The following VPS41 variants were observed in gnomAD, a reference collection of about 807,000 sequenced individuals.
VPS41 encodes vacuolar protein sorting-associated protein 41 homolog.
In VPS41, 85 loss-of-function variants were observed where a neutral mutation model predicts 130.9. That is an observed-to-expected ratio of 0.65 (90% confidence interval 0.55 to 0.78). The LOEUF is 0.78. VPS41 is among the 30% of genes least tolerant of loss of function. The pLI is 0.00. For missense variants in VPS41, 874 were observed against 1,018.7 expected (o/e 0.86, Z 1.93); for synonymous variants, 335 against 332.9 (o/e 1.01, Z -0.07).
chr7:38,902,389 A>C (rs1787164543), intron 1 of VPS41, among the ~76,000 whole-genome samples: 1 of 152,118 alleles, frequency 6.6e-6, no homozygotes, highest in Non-Finnish European at 1.5e-5. Context: ...GATATTGCTT[A>C]TATCTCTGTG....
chr7:38,747,012 C>T (rs1050455282), intron 22 of VPS41, among the ~76,000 whole-genome samples: 56 of 152,314 alleles, frequency 3.7e-4, no homozygotes, highest in African/African-American at 1.3e-3. Context: ...GAAACTGTTG[C>T]TCTGTTAAGC....
intron 25 of VPS41, among the ~76,000 whole-genome samples, chr7:38,732,298 G>A (rs1404693574): frequency 6.6e-6 from 1 of 152,168 alleles, no homozygotes; most frequent in African/African-American, 2.4e-5. Context: ...CATCTCTTGA[G>A]TAAATACCTA....
At chr7:38,844,519 A>G (rs1785682166) in intron 4 of VPS41, among the ~76,000 whole-genome samples, 2 of 152,228 alleles carry the variant, frequency 1.3e-5, no homozygotes, top group Admixed American at 1.3e-4. Flanking sequence ...AACATCTTGG[A>G]AATAATCTAA....
At chr7:38,789,172 C>CAGGTCCTCA (rs1353996364) in intron 10 of VPS41, among the ~76,000 whole-genome samples, 12 of 152,218 alleles carry the variant, frequency 7.9e-5, no homozygotes, top group African/African-American at 2.9e-4. Flanking sequence ...AGTATTGTGC[C>CAGGTCCTCA]AGGTCCTCAA....
intron 7 of VPS41, among the ~76,000 whole-genome samples, chr7:38,800,288 A>G (rs1306275355): frequency 1.3e-5 from 2 of 152,228 alleles, no homozygotes; most frequent in African/African-American, 2.4e-5. Context: ...AGTATTCAAT[A>G]CAATGTCCTT....
At chr7:38,744,764 G>C (rs1008978715) in intron 23 of VPS41, among the ~76,000 whole-genome samples, 1 of 152,122 alleles carries the variant, frequency 6.6e-6, no homozygotes, top group African/African-American at 2.4e-5. Context: ...GGACAGTTCT[G>C]GGTTTGTGGC....
chr7:38,746,933 G>A (rs980429865), intron 22 of VPS41, among the ~76,000 whole-genome samples: 4 of 152,100 alleles, frequency 2.6e-5, no homozygotes, highest in South Asian at 2.1e-4. Context: ...AAGGAGCCCC[G>A]GTCTCTGACC....
intron 10 of VPS41, among the ~76,000 whole-genome samples, chr7:38,779,657 T>C (rs1333348773): frequency 6.6e-6 from 1 of 152,222 alleles, no homozygotes; most frequent in East Asian, 1.9e-4. Flanking sequence ...CGAAACATAA[T>C]TGCTTTTAGA....
intron 2 of VPS41, among the ~76,000 whole-genome samples, chr7:38,896,760 T>G (rs1441489945): frequency 2.0e-5 from 3 of 152,194 alleles, no homozygotes; most frequent in Non-Finnish European, 2.9e-5. Context: ...TGTAATAGAT[T>G]ATCATGGCTA....
chr7:38,836,530 T>C (rs1199822710), intron 4 of VPS41, among the ~76,000 whole-genome samples: 1 of 152,160 alleles, frequency 6.6e-6, no homozygotes, highest in African/African-American at 2.4e-5. Context: ...ATTTTTAAAC[T>C]GATTTATAAG....
chr7:38,831,148 C>A (rs1400167097), intron 4 of VPS41: 15 of 466,792 alleles, frequency 3.2e-5, no homozygotes, highest in Admixed American at 7.1e-5. Flanking sequence ...TTATTCAGAT[C>A]TTGAGTTCAT....
intron 2 of VPS41, among the ~76,000 whole-genome samples, chr7:38,887,408 C>A (rs1236861431): frequency 6.6e-6 from 1 of 152,046 alleles, no homozygotes; most frequent in Admixed American, 6.6e-5. Context: ...CCAATTCGAT[C>A]GGCTGGAAGA....
chr7:38,890,686 CTTTT>C (rs771296526), intron 2 of VPS41, among the ~76,000 whole-genome samples: 1 of 147,286 alleles, frequency 6.8e-6, no homozygotes. Context: ...GCATTTTTCC[CTTTT>C]TTTTTTTCTT....
chr7:38,728,904 G>A, intron 25 of VPS41, 113 bp from the exon 26 acceptor site: 1 of 900,808 alleles, frequency 1.1e-6, no homozygotes. Flanking sequence ...ACTCAAAAGG[G>A]GCACTCACTG....
rs139845267 is a variant in VPS41, at chr7:38,829,957, AC to A, written c.321+296del. ...AACTACTGTCTTGCAGGAACTGCAG[AC>A]TAGTCACTGAAGCAGAAGTGGCACG... On this transcript the variant is annotated intron_variant, in intron 5 of 28. Coordinates refer to ENST00000310301, the MANE Select transcript of VPS41 (RefSeq NM_014396.4). 3.5e-4 allele frequency among the ~76,000 whole-genome samples: 54 copies of A among 152,328 alleles called. 1 individual carries two copies. In the East Asian group the frequency reaches 0.01, roughly 28 times the overall value.
intron 13 of VPS41, among the ~76,000 whole-genome samples, chr7:38,771,951 G>T (rs934967992): frequency 2.0e-5 from 3 of 151,938 alleles, no homozygotes; most frequent in Admixed American, 6.6e-5. Flanking sequence ...CAACAAATAC[G>T]TAGACTATTT....
At chr7:38,783,811 T>TA (rs1431583282) in intron 10 of VPS41, among the ~76,000 whole-genome samples, 2 of 152,136 alleles carry the variant, frequency 1.3e-5, no homozygotes, top group East Asian at 1.9e-4. Context: ...TTGTTTAAAG[T>TA]AAAAAACCAT....
At chr7:38,771,540 G>A (rs952057597) in intron 13 of VPS41, among the ~76,000 whole-genome samples, 3 of 152,056 alleles carry the variant, frequency 2.0e-5, no homozygotes, top group Non-Finnish European at 4.4e-5. Context: ...TTCCTCATTA[G>A]GACAATGGAA....
chr7:38,827,081 G>C (rs775017096), intron 5 of VPS41, among the ~76,000 whole-genome samples: 2 of 152,180 alleles, frequency 1.3e-5, no homozygotes, highest in Non-Finnish European at 2.9e-5. Flanking sequence ...GCCTCCCAAA[G>C]TGCTGGGATT....
Sources: allele counts gnomAD v4.1 joint callset (sites outside exome capture counted in the v4.1 genomes callset), GRCh38; gene constraint gnomAD v4.1.1; transcripts MANE v1.5; gene names NCBI Gene and HGNC (gene_info 2026-07-23, HGNC 2026-07-21).